SLC8A1: variants seen among roughly 807,000 people sequenced by gnomAD.
The protein encoded by SLC8A1 is sodium/calcium exchanger 1.
Under a neutral mutation model 68.3 loss-of-function variants are expected in SLC8A1, and 18 were observed. That is an observed-to-expected ratio of 0.26 (90% CI 0.18 to 0.39). SLC8A1 has a LOEUF of 0.39. SLC8A1 is among the 10% of genes least tolerant of loss of function. SLC8A1 has a pLI of 1.00. For missense variants in SLC8A1, 985 were observed against 1,156.7 expected, an observed-to-expected ratio of 0.85 and a Z score of 2.15; for synonymous variants, 475 against 415.5, an observed-to-expected ratio of 1.14 and a Z score of -1.74.
At chr2:40,205,956 A>T (rs1447437730) in intron 2 of SLC8A1, among the ~76,000 whole-genome samples, 1 of 151,926 alleles carries the variant, frequency 6.6e-6, no homozygotes, top group African/African-American at 2.4e-5. Context: ...CAAAGGAATT[A>T]TTTGTCCTTG....
intron 7 of SLC8A1, among the ~76,000 whole-genome samples, chr2:40,135,562 A>G (rs1268232268): frequency 6.6e-6 from 1 of 152,150 alleles, no homozygotes; most frequent in African/African-American, 2.4e-5. Context: ...TACTAAAAAT[A>G]CAAAAATTAG....
chr2:40,505,687 C>T (rs943269253), intron 1 of SLC8A1, among the ~76,000 whole-genome samples: 2 of 151,826 alleles, frequency 1.3e-5, no homozygotes, highest in Admixed American at 6.6e-5. Flanking sequence ...CCAACAAAAA[C>T]AACAATAACA....
At chr2:40,153,227 G>A (rs535352905) in intron 6 of SLC8A1, among the ~76,000 whole-genome samples, 1 of 152,110 alleles carries the variant, frequency 6.6e-6, no homozygotes, top group African/African-American at 2.4e-5. Context: ...TTTTATTTAT[G>A]AGAATGAAGG....
chr2:40,390,964 A>G (rs1685059299), intron 2 of SLC8A1, among the ~76,000 whole-genome samples: 1 of 152,048 alleles, frequency 6.6e-6, no homozygotes, highest in Non-Finnish European at 1.5e-5. Context: ...CTCTTTGTGG[A>G]TATATTTGGA....
chr2:40,335,770 G>A (rs1559292982), intron 2 of SLC8A1, among the ~76,000 whole-genome samples: 1 of 152,218 alleles, frequency 6.6e-6, no homozygotes, highest in East Asian at 1.9e-4. Flanking sequence ...GGAAATGAAT[G>A]TGTTTTGAGG....
At chr2:40,159,176 G>A (rs2045198067) in intron 6 of SLC8A1, among the ~76,000 whole-genome samples, 1 of 152,140 alleles carries the variant, frequency 6.6e-6, no homozygotes, top group Admixed American at 6.5e-5. Flanking sequence ...CCCTTCCACA[G>A]CTTTGCTTTC....
At chr2:40,277,800 A>ATATATG (rs1334541986) in intron 2 of SLC8A1, among the ~76,000 whole-genome samples, 1 of 68,326 alleles carries the variant, frequency 1.5e-5, no homozygotes, top group African/African-American at 9.5e-5. Context: ...GTGTGTATAT[A>ATATATG]TATATATATA....
intron 2 of SLC8A1, among the ~76,000 whole-genome samples, chr2:40,390,820 A>G (rs142438766): frequency 6.6e-6 from 1 of 152,226 alleles, no homozygotes; most frequent in East Asian, 1.9e-4. Context: ...TGAGCTTAAG[A>G]AAATGTAGAG....
At chr2:40,399,022 A>G (rs916624651) in intron 2 of SLC8A1, among the ~76,000 whole-genome samples, 1 of 152,208 alleles carries the variant, frequency 6.6e-6, no homozygotes, top group African/African-American at 2.4e-5. Context: ...AAAGTCACAA[A>G]CAGCCCAGGG....
At chr2:40,471,770 A>T (rs1704002062) in intron 1 of SLC8A1, among the ~76,000 whole-genome samples, 1 of 152,242 alleles carries the variant, frequency 6.6e-6, no homozygotes, top group Non-Finnish European at 1.5e-5. Context: ...AATTACAAAT[A>T]GTAAAAACGT....
At chr2:40,117,475 G>T (rs1009636060) in intron 7 of SLC8A1, among the ~76,000 whole-genome samples, 1 of 143,858 alleles carries the variant, frequency 7.0e-6, no homozygotes, top group Non-Finnish European at 1.5e-5. Context: ...TGAAGCATGA[G>T]AATTGCTTGA....
chr2:40,358,572 G>A (rs1466839188), intron 2 of SLC8A1, among the ~76,000 whole-genome samples: 1 of 152,102 alleles, frequency 6.6e-6, no homozygotes. Context: ...TTTATTTTGT[G>A]GAGCTGAACT....
chr2:40,228,567 G>A (rs931930459), intron 2 of SLC8A1, among the ~76,000 whole-genome samples: 1 of 152,166 alleles, frequency 6.6e-6, no homozygotes, highest in Admixed American at 6.5e-5. Context: ...GCAGTCATGT[G>A]TTGGCATCAC....
chr2:40,119,637 A>T (rs1474742870), intron 7 of SLC8A1, among the ~76,000 whole-genome samples: 2 of 152,230 alleles, frequency 1.3e-5, no homozygotes, highest in Admixed American at 1.3e-4. Context: ...TAATATTCAG[A>T]GGTTGGCCCA....
chr2:40,145,602 G>C (rs558493551), intron 6 of SLC8A1, among the ~76,000 whole-genome samples: 14 of 152,192 alleles, frequency 9.2e-5, no homozygotes, highest in African/African-American at 3.1e-4. Flanking sequence ...ACATATTTCT[G>C]TTTCTCTTTT....
chr2:40,416,055 A>T lies in SLC8A1; in HGVS notation c.1808+12418T>A, dbSNP rs866968193. On this transcript the variant is annotated intron_variant, in intron 2 of 7. Transcript: ENST00000406785. ...GACAGATTGAGCGAGGCTCTGTTTT[A>T]AAAAAAAAAAAAAAAAAAAAGCAAC... 6.6e-3 allele frequency among the ~76,000 whole-genome samples: 469 copies of T among 70,854 alleles called. 2 individuals are homozygous for T. Among genetic ancestry groups the T allele is most frequent in the African/African-American group, 0.026 (441 of 17,066 alleles). The allele number at this position is 70,854 out of a possible 152,430, so 46.5% of individuals were successfully genotyped here. A position where few individuals can be genotyped will look rare whatever the true frequency, so the allele number is the denominator to read the frequency against.
intron 2 of SLC8A1, among the ~76,000 whole-genome samples, chr2:40,234,261 C>T (rs996661115): frequency 6.6e-6 from 1 of 151,168 alleles, no homozygotes; most frequent in South Asian, 2.1e-4. Context: ...TGTTTGTTTC[C>T]TCTTTTATTT....
chr2:40,227,119 T>C (rs1476043927), intron 2 of SLC8A1, among the ~76,000 whole-genome samples: 1 of 152,130 alleles, frequency 6.6e-6, no homozygotes, highest in African/African-American at 2.4e-5. Flanking sequence ...AAAGTTCTGA[T>C]CTTTTCTTAG....
At chr2:40,142,965 T>A (rs897131366) in intron 6 of SLC8A1, among the ~76,000 whole-genome samples, 10 of 151,556 alleles carry the variant, frequency 6.6e-5, no homozygotes, top group South Asian at 2.1e-4. Flanking sequence ...TGTGTGTGTG[T>A]GAGAGCGAGA....
Sources: allele counts gnomAD v4.1 joint callset (sites outside exome capture counted in the v4.1 genomes callset), GRCh38; gene constraint gnomAD v4.1.1; transcripts MANE v1.5; gene names NCBI Gene and HGNC (gene_info 2026-07-23, HGNC 2026-07-21).